The following GATB variants were observed in gnomAD, a reference collection of about 807,000 sequenced individuals.
GATB encodes the protein glutamyl-tRNA amidotransferase subunit B.
In GATB, 39 loss-of-function variants were observed where a neutral mutation model predicts 62.3. That is an observed-to-expected ratio of 0.63 (90% CI 0.48 to 0.82). GATB has a LOEUF of 0.82. Ranked by LOEUF, GATB falls within the 40% of genes least tolerant of loss-of-function variation. GATB has a pLI of 0.00. For missense variants in GATB, 670 were observed against 684.0 expected, an observed-to-expected ratio of 0.98 and a Z score of 0.23; for synonymous variants, 276 against 258.9, an observed-to-expected ratio of 1.07 and a Z score of -0.63.
At chr4:151,729,357 G>A (rs1331750538) in intron 2 of GATB, among the ~76,000 whole-genome samples, 1 of 152,156 alleles carries the variant, frequency 6.6e-6, no homozygotes, top group Non-Finnish European at 1.5e-5. Context: ...GGACTAAAGA[G>A]ACATGACAAC....
intron 11 of GATB, among the ~76,000 whole-genome samples, chr4:151,678,748 T>C (rs772391866): frequency 3.9e-5 from 6 of 152,196 alleles, no homozygotes; most frequent in Non-Finnish European, 8.8e-5. Context: ...GCCACTACTG[T>C]CGGTGCAGAT....
At chr4:151,738,778 G>A (rs1739427826) in intron 2 of GATB, among the ~76,000 whole-genome samples, 1 of 152,186 alleles carries the variant, frequency 6.6e-6, no homozygotes, top group Non-Finnish European at 1.5e-5. Flanking sequence ...CAGCTATAAA[G>A]GAAAAATTCC....
At chr4:151,680,315 T>G (rs1419419688) in intron 10 of GATB, among the ~76,000 whole-genome samples, 1 of 151,278 alleles carries the variant, frequency 6.6e-6, no homozygotes, top group Non-Finnish European at 1.5e-5. Flanking sequence ...GTCACGTTTC[T>G]GAGTGTTTCT....
Position 151,716,918 on chromosome 4 carries a change from C to T in GATB, c.598G>A (p.Asp200Asn), listed in dbSNP as rs1330413222. Residue 200 changes from aspartate (D) to asparagine (N), a missense_variant, in exon 4 of 13, where the codon GAC (aspartate) becomes AAC (asparagine). Asp to Asn is a conservative substitution (Grantham distance 23). Transcript: ENST00000263985. ...ATGAGCGTCTGAGACCTCAGGTTGT[C>T]GTGGAGGCTTTTGCCACTGTCTTGC... ...LEQDSGKSLH[D>N]NLRSQTLIDL... 3 of 1,614,206 alleles carry T rather than the reference C, an allele frequency of 1.9e-6. No homozygotes were observed. The highest frequency in any genetic ancestry group is 2.5e-6 in the Non-Finnish European group (3 of 1,180,038).
chr4:151,703,654 A>G, intron 8 of GATB, 197 bp downstream of exon 8: 1 of 601,462 alleles, frequency 1.7e-6, no homozygotes, highest in South Asian at 2.0e-5. Context: ...ACCAGATCTG[A>G]GGCTACCAAA....
chr4:151,712,515 C>T (rs1355413), intron 5 of GATB, among the ~76,000 whole-genome samples: 88,749 of 151,998 alleles, frequency 0.58, 28,259 homozygotes, highest in African/African-American at 0.86. Flanking sequence ...CTAAAACACA[C>T]TCACACAACA....
rs1738743622 is a variant in GATB at position 151,707,872 on chromosome 4, G to C, written c.877+116C>G. On this transcript the variant is annotated intron_variant, in intron 6 of 12. Coordinates refer to ENST00000263985, the MANE Select transcript of GATB (RefSeq NM_004564.3). ...GAGCCGACACAGGACCAACAGAACG[G>C]ACCAGTGAAAACGAAAGTAGTTCTT... 4.8e-5 allele frequency: 33 copies of C among 685,534 alleles called. 1 individual carries two copies. In the East Asian group the frequency reaches 9.0e-4, roughly 19 times the overall value. The allele number at this position is 685,534 out of a possible 1,614,324, so 42.5% of individuals were successfully genotyped here. A position where few individuals can be genotyped will look rare whatever the true frequency, so the allele number is the denominator to read the frequency against.
At chr4:151,753,939 C>T (rs1448245207) in intron 2 of GATB, among the ~76,000 whole-genome samples, 2 of 152,162 alleles carry the variant, frequency 1.3e-5, no homozygotes, top group Admixed American at 6.5e-5. Flanking sequence ...TTTCTCAATC[C>T]ACTGCCACCT....
At chr4:151,727,286 A>G (rs1219251758) in intron 2 of GATB, among the ~76,000 whole-genome samples, 1 of 152,204 alleles carries the variant, frequency 6.6e-6, no homozygotes, top group East Asian at 1.9e-4. Context: ...GATTTTAGAA[A>G]AAGGACAGAA....
chr4:151,681,089 C>G (rs1328078662), intron 10 of GATB, among the ~76,000 whole-genome samples: 3 of 152,214 alleles, frequency 2.0e-5, no homozygotes, highest in Admixed American at 6.5e-5. Context: ...TGGTTCCCAT[C>G]ATGCAAAATT....
chr4:151,672,988 G>A (rs1737907807), intron 11 of GATB, 92 bp from the exon 12 acceptor site: 2 of 1,473,616 alleles, frequency 1.4e-6, no homozygotes, highest in South Asian at 2.6e-5. Context: ...GAGCTGGGGT[G>A]GGAATGAGCA....
chr4:151,753,429 T>C (rs1284906595), intron 2 of GATB, among the ~76,000 whole-genome samples: 2 of 152,208 alleles, frequency 1.3e-5, no homozygotes, highest in Non-Finnish European at 2.9e-5. Context: ...TAGGTCACAG[T>C]GCATCCTCTG....
chr4:151,681,031 G>A (rs1738128030), intron 10 of GATB, among the ~76,000 whole-genome samples: 1 of 152,178 alleles, frequency 6.6e-6, no homozygotes, highest in African/African-American at 2.4e-5. Context: ...GTAAATGAGG[G>A]CTTCTGAAAT....
chr4:151,734,485 G>A (rs1415611652), intron 2 of GATB, among the ~76,000 whole-genome samples: 3 of 152,134 alleles, frequency 2.0e-5, no homozygotes, highest in Admixed American at 1.3e-4. Flanking sequence ...GTTCACGGAT[G>A]GGTAGAATCA....
chr4:151,758,112 A>G (rs1401202748), intron 2 of GATB, among the ~76,000 whole-genome samples: 2 of 152,230 alleles, frequency 1.3e-5, no homozygotes, highest in African/African-American at 4.8e-5. Context: ...AACTCACTGC[A>G]TATTATGGCT....
chr4:151,714,694 T>G (rs539543793), intron 5 of GATB, among the ~76,000 whole-genome samples: 58 of 152,332 alleles, frequency 3.8e-4, no homozygotes, highest in African/African-American at 1.4e-3. Context: ...CACAGTTATT[T>G]TGAAGAAGAA....
At position 151,758,790 on chromosome 4, in the gene GATB, A is replaced by G. The variant is rs957769066; in HGVS notation, c.309T>C (p.Ser103=). The G allele has an allele frequency of 1.9e-6, 3 of 1,601,944 alleles. No individual in the cohort carries two copies. Among genetic ancestry groups the G allele is most frequent in the African/African-American group, 2.7e-5 (2 of 74,630 alleles). The stretch of plus-strand genomic sequence containing the variant: ...ATCTTACCGGCAAAGTTCCAGGTAG[A>G]GATGCATCAAAAAAAGAAACCAAAG... ...PNSLVSFFDA[S]LPGTLPVLNR... Residue 103 remains serine (S), a synonymous_variant, in exon 2 of 13, where the codon TCT becomes TCC. Coordinates refer to ENST00000263985, the MANE Select transcript of GATB (RefSeq NM_004564.3).
At chr4:151,728,397 C>T (rs1286361340) in intron 2 of GATB, among the ~76,000 whole-genome samples, 1 of 152,146 alleles carries the variant, frequency 6.6e-6, no homozygotes. Flanking sequence ...AAACACAAAA[C>T]CAAACAAACA....
At chr4:151,724,153 C>A (rs2126981935) in intron 2 of GATB, 1 of 152,324 alleles carries the variant, frequency 6.6e-6, no homozygotes, top group South Asian at 2.1e-4. Flanking sequence ...CTAAACCAGA[C>A]AAATATTCCA....
Sources: allele counts gnomAD v4.1 joint callset (sites outside exome capture counted in the v4.1 genomes callset), GRCh38; gene constraint gnomAD v4.1.1; transcripts MANE v1.5; gene names NCBI Gene and HGNC (gene_info 2026-07-23, HGNC 2026-07-21).